Variants in EPB41L2 observed in about 807,000 individuals in gnomAD.
The protein encoded by EPB41L2 is band 4.1-like protein 2.
EPB41L2 carries 43 observed loss-of-function variants against 113.0 expected under a neutral mutation model. The ratio of observed to expected loss-of-function variants is 0.38; its 90% CI spans 0.30 to 0.49. The LOEUF is 0.49. Among genes scored for constraint, EPB41L2 ranks in the 20% least tolerant of loss-of-function variants. The pLI is 0.95. For missense variants in EPB41L2, 1,147 were observed against 1,223.4 expected, an observed-to-expected ratio of 0.94 and a Z score of 0.93; for synonymous variants, 442 against 436.7, an observed-to-expected ratio of 1.01 and a Z score of -0.15.
chr6:130,962,574 GTTTA>G (rs889815998), intron 1 of EPB41L2, among the ~76,000 whole-genome samples: 8 of 152,118 alleles, frequency 5.3e-5, no homozygotes, highest in African/African-American at 1.7e-4. Context: ...TATATCACTT[GTTTA>G]TTTATTTTTA....
chr6:130,848,121 A>C (rs974691133), intron 19 of EPB41L2, among the ~76,000 whole-genome samples: 1 of 152,144 alleles, frequency 6.6e-6, no homozygotes, highest in East Asian at 1.9e-4. Flanking sequence ...TTTTCCTCAA[A>C]GTTAAATAAA....
chr6:130,984,888 A>C (rs1780183319), intron 1 of EPB41L2, among the ~76,000 whole-genome samples: 1 of 152,248 alleles, frequency 6.6e-6, no homozygotes, highest in African/African-American at 2.4e-5. Context: ...AACTTGAATA[A>C]AACTCTGAAA....
chr6:130,873,601 G>C (rs1032547484), intron 14 of EPB41L2, among the ~76,000 whole-genome samples: 5 of 152,182 alleles, frequency 3.3e-5, no homozygotes, highest in African/African-American at 1.2e-4. Flanking sequence ...CAGTAGCTGG[G>C]ATTATAGGCG....
intron 1 of EPB41L2, chr6:131,013,976 A>G (rs1787627565): frequency 6.6e-6 from 1 of 152,006 alleles, no homozygotes; most frequent in African/African-American, 2.4e-5. Context: ...GCAACACGTG[A>G]AGCTATTTCC....
intron 1 of EPB41L2, among the ~76,000 whole-genome samples, chr6:131,021,065 T>A (rs1789365461): frequency 6.6e-6 from 1 of 152,138 alleles, no homozygotes; most frequent in Non-Finnish European, 1.5e-5. Flanking sequence ...CCCACAGCAC[T>A]GGGATTACAG....
chr6:130,932,320 T>TA (rs5880044), intron 3 of EPB41L2, among the ~76,000 whole-genome samples: 91,566 of 148,340 alleles, frequency 0.62, 28,465 homozygotes, highest in East Asian at 0.9. Flanking sequence ...ACATTGCTTT[T>TA]AAAAAAAAAA....
chr6:130,942,886 G>A (rs1241724621), intron 3 of EPB41L2, among the ~76,000 whole-genome samples: 3 of 152,128 alleles, frequency 2.0e-5, no homozygotes, highest in Non-Finnish European at 4.4e-5. Flanking sequence ...TGAGAATGAT[G>A]GTTTCCAGCT....
intron 9 of EPB41L2, 53 bp from the exon 10 acceptor site, chr6:130,894,494 AG>A: frequency 6.6e-7 from 1 of 1,516,254 alleles, no homozygotes. Context: ...ACTGACTAGA[AG>A]TTACTGAAAA....
Position 130,926,807 on chromosome 6 carries a change from T to G in EPB41L2, c.706-98A>C, listed in dbSNP as rs186177568. 8.9e-4 allele frequency: 630 copies of G among 704,008 alleles called. 5 individuals are homozygous for G. The highest frequency in any genetic ancestry group is 5.5e-3 in the South Asian group (273 of 49,546). 43.6% of individuals were successfully genotyped at this position (704,008 alleles called of 1,614,324 possible). On this transcript the variant is annotated intron_variant, in intron 3 of 19. Coordinates refer to ENST00000337057, the MANE Select transcript of EPB41L2 (RefSeq NM_001431.4). ...ATCAGATACATGATTTATTATAAAT[T>G]AACATTAAATATTTGTTTTCTCATT...
At position 130,867,964 on chromosome 6, in the gene EPB41L2, ACACACACACTCT is replaced by A. The variant is rs1305049667; in HGVS notation, c.2608-395_2608-384del. On this transcript the variant is annotated intron_variant, in intron 15 of 19. Coordinates refer to ENST00000337057, the MANE Select transcript of EPB41L2 (RefSeq NM_001431.4). Reference sequence around the variant, plus strand: ...CACACACACACACACACACACACACACACACACACTCTCTCTCTCTCTCTCTCTCTCTCTCCT... The same window carrying A: ...CACACACACACACACACACACACACACTCTCTCTCTCTCTCTCTCTCTCCT... The A allele has an allele frequency of 7.3e-3, 1,179 of 162,136 alleles. 5 individuals carry two copies. The highest frequency in any genetic ancestry group is 0.013 in the South Asian group (108 of 8,554). 10.0% of individuals were successfully genotyped at this position (162,136 alleles called of 1,614,324 possible). A position where few individuals can be genotyped will look rare whatever the true frequency, so the allele number is the denominator to read the frequency against.
chr6:130,905,025 G>T (rs1223524820), intron 5 of EPB41L2, among the ~76,000 whole-genome samples: 4 of 151,596 alleles, frequency 2.6e-5, no homozygotes, highest in African/African-American at 9.7e-5. Context: ...ATTTGAAGAA[G>T]GTGTTAAAAG....
intron 1 of EPB41L2, among the ~76,000 whole-genome samples, chr6:130,974,317 A>T (rs941476184): frequency 6.6e-6 from 1 of 151,672 alleles, no homozygotes; most frequent in Non-Finnish European, 1.5e-5. Context: ...TACAACTTAG[A>T]GTAACTGTGA....
At chr6:130,981,729 T>C (rs1779416688) in intron 1 of EPB41L2, among the ~76,000 whole-genome samples, 1 of 152,206 alleles carries the variant, frequency 6.6e-6, no homozygotes, top group Non-Finnish European at 1.5e-5. Context: ...ACAAACTGTT[T>C]AGTGGAACTG....
At chr6:131,003,101 C>CTA (rs1317152581) in intron 1 of EPB41L2, among the ~76,000 whole-genome samples, 1 of 151,888 alleles carries the variant, frequency 6.6e-6, no homozygotes, top group Non-Finnish European at 1.5e-5. Context: ...TTAGTTATCT[C>CTA]TTTTTAAGTG....
At chr6:131,031,142 T>C (rs952081473) in intron 1 of EPB41L2, among the ~76,000 whole-genome samples, 2 of 151,902 alleles carry the variant, frequency 1.3e-5, no homozygotes, top group African/African-American at 4.8e-5. Context: ...TGCAGCACAA[T>C]TAAATGTCTA....
rs1174449374 is a variant in EPB41L2 at position 130,870,452 on chromosome 6, T to G, written c.2044-326A>C. The G allele has an allele frequency of 4.1e-6, 6 of 1,462,140 alleles. No individual in the cohort carries two copies. The African/African-American group carries it at 7.0e-5, about 17-fold the overall frequency. The allele number at this position is 1,462,140 out of a possible 1,614,324, so 90.6% of individuals were successfully genotyped here. On this transcript the variant is annotated intron_variant, in intron 14 of 19. Transcript: ENST00000337057. ...ACCTCAACAACCACTGAAACAAACA[T>G]CTGACACTGCAAAGACAAAACAGCA...
intron 14 of EPB41L2, among the ~76,000 whole-genome samples, chr6:130,876,962 T>G (rs1787773465): frequency 6.6e-6 from 1 of 152,214 alleles, no homozygotes; most frequent in Non-Finnish European, 1.5e-5. Context: ...CATTCTGGAA[T>G]AGACTGCTGA....
At chr6:131,032,680 A>C (rs1237085986) in intron 1 of EPB41L2, among the ~76,000 whole-genome samples, 2 of 152,196 alleles carry the variant, frequency 1.3e-5, no homozygotes, top group East Asian at 3.8e-4. Context: ...AAGAATTATT[A>C]TTTGTTAAAA....
At chr6:131,034,904 T>C (rs923554854) in intron 1 of EPB41L2, among the ~76,000 whole-genome samples, 3 of 152,070 alleles carry the variant, frequency 2.0e-5, no homozygotes, top group African/African-American at 7.2e-5. Context: ...GCAAAATCAA[T>C]ATACTTAAAC....
Sources: allele counts gnomAD v4.1 joint callset (sites outside exome capture counted in the v4.1 genomes callset), GRCh38; gene constraint gnomAD v4.1.1; transcripts MANE v1.5; gene names NCBI Gene and HGNC (gene_info 2026-07-23, HGNC 2026-07-21).